Variants in KALRN observed in about 807,000 individuals in gnomAD.
KALRN encodes the protein kalirin.
Under a neutral mutation model 353.7 loss-of-function variants are expected in KALRN, and 70 were observed. That is an observed-to-expected ratio of 0.20 (90% CI 0.16 to 0.24). The LOEUF is 0.24. Ranked by LOEUF, KALRN falls within the 10% of genes least tolerant of loss-of-function variation. KALRN has a pLI of 1.00. For synonymous variants in KALRN, 1,391 were observed against 1,434.8 expected (o/e 0.97, Z 0.69); for missense variants, 2,791 against 3,756.7 (o/e 0.74, Z 6.72).
intron 33 of KALRN, among the ~76,000 whole-genome samples, chr3:124,497,611 C>G (rs887466685): frequency 2.6e-5 from 4 of 152,188 alleles, no homozygotes; most frequent in African/African-American, 9.6e-5. Context: ...CCATTTTCTA[C>G]TGACTATCAG....
intron 1 of KALRN, among the ~76,000 whole-genome samples, chr3:124,044,831 T>TTCCCTCCC (rs1326617518): frequency 3.0e-5 from 1 of 32,824 alleles, no homozygotes; most frequent in African/African-American, 7.7e-5. Flanking sequence ...CCTTCCTTCC[T>TTCCCTCCC]TCCCTCCCTC....
intron 33 of KALRN, among the ~76,000 whole-genome samples, chr3:124,547,219 C>T (rs2069790091): frequency 6.6e-6 from 1 of 152,058 alleles, no homozygotes; most frequent in African/African-American, 2.4e-5. Flanking sequence ...AGGCTGGCCT[C>T]GAACTTCTGG....
rs956874623 is a variant in KALRN at position 124,519,251 on chromosome 3, A to G, written c.4935+22838A>G. 4 of 957,416 alleles carry G rather than the reference A, an allele frequency of 4.2e-6. No individual in the cohort carries two copies. The African/African-American group carries it at 7.1e-5, about 17-fold the overall frequency. The allele number at this position is 957,416 out of a possible 1,614,324, so 59.3% of individuals were successfully genotyped here. A position where few individuals can be genotyped will look rare whatever the true frequency, so the allele number is the denominator to read the frequency against. ...CTGGCCACATGTTGATAATTGTTGA[A>G]ACTAGATGATGGTACGTGGACATTC... is the stretch of plus-strand genomic sequence containing the variant. On this transcript the variant is annotated intron_variant, in intron 33 of 59. Transcript: ENST00000682506.
intron 47 of KALRN, among the ~76,000 whole-genome samples, chr3:124,670,164 G>A (rs573999485): frequency 1.3e-5 from 2 of 152,226 alleles, no homozygotes; most frequent in East Asian, 3.9e-4. Context: ...TGTATTTTTA[G>A]TAGAGACAAG....
intron 1 of KALRN, among the ~76,000 whole-genome samples, chr3:124,161,732 C>T (rs1182239693): frequency 2.0e-5 from 3 of 152,160 alleles, no homozygotes; most frequent in Non-Finnish European, 2.9e-5. Flanking sequence ...TGTGGGCATC[C>T]ACATCAAAGC....
chr3:124,664,803 C>A (rs1478033122), intron 45 of KALRN, among the ~76,000 whole-genome samples: 1 of 152,222 alleles, frequency 6.6e-6, no homozygotes, highest in Non-Finnish European at 1.5e-5. Context: ...CTGGGAAGAA[C>A]AGTGAGCATG....
At chr3:124,676,016 C>G (rs1194232648) in intron 49 of KALRN, among the ~76,000 whole-genome samples, 2 of 152,092 alleles carry the variant, frequency 1.3e-5, no homozygotes, top group South Asian at 4.2e-4. Flanking sequence ...CCTAAGTATA[C>G]TTGTTTTGGG....
chr3:124,456,703 A>C lies in KALRN; in HGVS notation c.3829A>C (p.Lys1277Gln), dbSNP rs999815040. ...CGCCAACCACGAAGTCAATGAAGAG[A>C]AGCGGAAGTCAGCCCGGAAGAAAGA... ...RDANHEVNEE[K>Q]RKSARKKEFI... Residue 1277 changes from lysine (K) to glutamine (Q), a missense_variant, in exon 23 of 60, where the codon AAG becomes CAG. Physicochemically the swap from Lys to Gln is moderately conservative, Grantham distance 53 (BLOSUM62 1). Transcript: ENST00000682506. 29 of 1,612,802 alleles carry C rather than the reference A, an allele frequency of 1.8e-5. No homozygotes were observed. Among genetic ancestry groups the C allele is most frequent in the Non-Finnish European group, 2.4e-5 (28 of 1,179,230 alleles).
intron 6 of KALRN, among the ~76,000 whole-genome samples, chr3:124,303,174 A>G (rs2077402945): frequency 6.6e-6 from 1 of 152,214 alleles, no homozygotes; most frequent in South Asian, 2.1e-4. Context: ...GTGATATCCT[A>G]CTAAATATGG....
intron 1 of KALRN, among the ~76,000 whole-genome samples, chr3:124,050,445 A>G (rs2040915744): frequency 6.6e-6 from 1 of 152,110 alleles, no homozygotes; most frequent in African/African-American, 2.4e-5. Context: ...GTTCACCACC[A>G]TCCTCTCCCC....
chr3:124,117,455 G>A (rs984910161), intron 1 of KALRN, among the ~76,000 whole-genome samples: 4 of 152,154 alleles, frequency 2.6e-5, no homozygotes, highest in South Asian at 2.1e-4. Flanking sequence ...TGCTACAAAA[G>A]TGCCTCCTGC....
At chr3:124,429,477 A>T (rs1234312070) in intron 15 of KALRN, among the ~76,000 whole-genome samples, 1 of 152,148 alleles carries the variant, frequency 6.6e-6, no homozygotes, top group African/African-American at 2.4e-5. Flanking sequence ...GGTGGTATTT[A>T]CTGATCTTGA....
At chr3:124,386,666 A>G (rs372884251) in intron 11 of KALRN, among the ~76,000 whole-genome samples, 8 of 152,320 alleles carry the variant, frequency 5.3e-5, no homozygotes, top group African/African-American at 1.9e-4. Flanking sequence ...TATGGTTCTA[A>G]TGTGAATCCA....
rs112153693 is a variant in KALRN at position 124,133,893 on chromosome 3, T to C, written c.74-94097T>C. Among the ~76,000 whole-genome samples, 1,022 of 152,230 alleles carry C rather than the reference T, an allele frequency of 6.7e-3. 15 individuals carry two copies. The highest frequency in any genetic ancestry group is 0.023 in the African/African-American group (974 of 41,536). On this transcript the variant is annotated intron_variant, in intron 1 of 59. Transcript: ENST00000682506. ...AGAAATCATAGATGACACAAACAAA[T>C]GGAAACACATCCCATGCTCATGGAT...
intron 10 of KALRN, among the ~76,000 whole-genome samples, chr3:124,349,450 T>A (rs1209631989): frequency 6.6e-6 from 1 of 151,790 alleles, no homozygotes; most frequent in Non-Finnish European, 1.5e-5. Context: ...ATTATGATTT[T>A]TTTTGCAATT....
chr3:124,715,970 TATATG>T (rs1259814779), intron 58 of KALRN, among the ~76,000 whole-genome samples: 1 of 152,060 alleles, frequency 6.6e-6, no homozygotes, highest in Non-Finnish European at 1.5e-5. Flanking sequence ...ATTCACCCAC[TATATG>T]ATAATATTAA....
intron 8 of KALRN, among the ~76,000 whole-genome samples, chr3:124,331,257 A>G (rs1255245307): frequency 1.3e-5 from 2 of 152,240 alleles, no homozygotes; most frequent in African/African-American, 2.4e-5. Flanking sequence ...TAAATACACC[A>G]TGGAATACTA....
At chr3:124,472,690 C>T (rs1382575440) in intron 25 of KALRN, among the ~76,000 whole-genome samples, 3 of 151,724 alleles carry the variant, frequency 2.0e-5, no homozygotes, top group African/African-American at 7.3e-5. Context: ...GGGTCTTAAA[C>T]TAAGTTTGAT....
At chr3:124,155,241 C>T (rs1004967115) in intron 1 of KALRN, among the ~76,000 whole-genome samples, 1 of 152,176 alleles carries the variant, frequency 6.6e-6, no homozygotes, top group African/African-American at 2.4e-5. Context: ...CCTTCTTCTT[C>T]TTCTCTTCTG....
Sources: allele counts gnomAD v4.1 joint callset (sites outside exome capture counted in the v4.1 genomes callset), GRCh38; gene constraint gnomAD v4.1.1; transcripts MANE v1.5; gene names NCBI Gene and HGNC (gene_info 2026-07-23, HGNC 2026-07-21).